Variants in PRKN observed in about 807,000 individuals in gnomAD.
PRKN encodes parkin RBR E3 ubiquitin protein ligase, also known as E3 ubiquitin-protein ligase parkin.
Under a neutral mutation model 59.5 loss-of-function variants are expected in PRKN, and 56 were observed. The ratio of observed to expected loss-of-function variants is 0.94; its 90% CI spans 0.76 to 1.18. The LOEUF is 1.18. Among genes scored for constraint, PRKN ranks in the 50% most tolerant of loss-of-function variants. The pLI, the probability that PRKN is intolerant of heterozygous loss-of-function variation, is 0.00. For synonymous variants in PRKN, 250 were observed against 222.1 expected (o/e 1.13, Z -1.12); for missense variants, 657 against 596.4 (o/e 1.10, Z -1.06).
intron 6 of PRKN, among the ~76,000 whole-genome samples, chr6:161,966,593 C>T (rs1230286401): frequency 6.6e-6 from 1 of 152,206 alleles, no homozygotes; most frequent in Non-Finnish European, 1.5e-5. Flanking sequence ...AAGTGCTAGA[C>T]TTACTGTGCT....
chr6:161,686,302 T>TGAC (rs79056776), intron 7 of PRKN, among the ~76,000 whole-genome samples: 2,720 of 152,258 alleles, frequency 0.018, 31 homozygotes, highest in Non-Finnish European at 0.028. Flanking sequence ...GCTCTCCAGG[T>TGAC]GATGTCAATG....
chr6:161,743,600 A>G (rs1329685421), intron 7 of PRKN, among the ~76,000 whole-genome samples: 1 of 151,628 alleles, frequency 6.6e-6, no homozygotes, highest in Admixed American at 6.6e-5. Flanking sequence ...CCAACATATA[A>G]TTCACGTCCA....
Position 161,518,747 on chromosome 6 carries a change from G to T in PRKN, c.1083+30107C>A, listed in dbSNP as rs1390840476. Among the ~76,000 whole-genome samples the T allele has an allele frequency of 2.0e-5, 3 of 152,182 alleles. No individual in the cohort carries two copies. The highest frequency in any genetic ancestry group is 1.3e-4 in the Admixed American group (2 of 15,276). On this transcript the variant is annotated intron_variant, in intron 9 of 11. Coordinates refer to ENST00000366898, the MANE Select transcript of PRKN (RefSeq NM_004562.3). This position sits in a 1 kb window ranked among gnomAD's most constrained non-coding sequence, Gnocchi z 5.0. ...CTGCAGAGGGCCGGCGGTGTGCCTT[G>T]ATACTTGGCTATGCATCCCATCCAC...
chr6:162,370,629 G>A (rs1785715068), intron 2 of PRKN, among the ~76,000 whole-genome samples: 2 of 152,160 alleles, frequency 1.3e-5, no homozygotes, highest in South Asian at 2.1e-4. Flanking sequence ...AATGGAAGCT[G>A]GTGGCAAAGC....
chr6:161,489,643 T>C (rs1777472719), intron 9 of PRKN, among the ~76,000 whole-genome samples: 1 of 138,394 alleles, frequency 7.2e-6, no homozygotes, highest in African/African-American at 3.0e-5. Context: ...TTGCTATACT[T>C]GGAACTTTTT....
At chr6:161,911,302 G>C (rs1203117608) in intron 6 of PRKN, among the ~76,000 whole-genome samples, 1 of 152,086 alleles carries the variant, frequency 6.6e-6, no homozygotes, top group African/African-American at 2.4e-5. Context: ...TTTGTGACAG[G>C]CTGGTGGAAT....
chr6:162,507,052 A>G (rs1172044701), intron 1 of PRKN, among the ~76,000 whole-genome samples: 1 of 152,202 alleles, frequency 6.6e-6, no homozygotes, highest in Admixed American at 6.5e-5. Flanking sequence ...AAAGTGAAGA[A>G]TGAGAAGGCA....
intron 5 of PRKN, among the ~76,000 whole-genome samples, chr6:162,025,775 G>T (rs540524587): frequency 9.2e-5 from 14 of 151,530 alleles, no homozygotes; most frequent in Non-Finnish European, 1.6e-4. Context: ...TTTTAGTAGA[G>T]ATGGGGTTTC....
chr6:161,350,020 G>A lies in PRKN; in HGVS notation c.*79C>T. ...CGCGCGCGCGTGTGTGTGTGTGTTT[G>A]AAAAGAGAATTAGAAAATGAAGGTA... On this transcript the variant is annotated 3_prime_UTR_variant, in exon 12 of 12. Coordinates refer to ENST00000366898, the MANE Select transcript of PRKN (RefSeq NM_004562.3). 1 of 968,714 alleles carries A rather than the reference G, an allele frequency of 1.0e-6. No homozygotes were observed. The highest frequency in any genetic ancestry group is 1.6e-5 in the African/African-American group (1 of 62,330). The allele number at this position is 968,714 out of a possible 1,614,324, so 60.0% of individuals were successfully genotyped here.
chr6:162,506,658 C>A lies in PRKN; in HGVS notation c.8-63185G>T, dbSNP rs149364155. Among the ~76,000 whole-genome samples the A allele has an allele frequency of 7.7e-4, 117 of 152,160 alleles. 1 individual carries two copies. In the South Asian group the frequency reaches 0.011, roughly 15 times the overall value. On this transcript the variant is annotated intron_variant, in intron 1 of 11. Transcript: ENST00000366898. Reference sequence around the variant, plus strand: ...GAATCATGATCCCGGGTGAAAGGGTCAGCTTTGGGAAAGATGAGGAATTCT... The same window carrying A: ...GAATCATGATCCCGGGTGAAAGGGTAAGCTTTGGGAAAGATGAGGAATTCT...
intron 2 of PRKN, among the ~76,000 whole-genome samples, chr6:162,272,424 A>G (rs1484688253): frequency 2.0e-5 from 3 of 152,082 alleles, no homozygotes; most frequent in Non-Finnish European, 4.4e-5. Context: ...AAATATATAT[A>G]TTTTATTTGA....
At chr6:161,942,218 T>C (rs975863165) in intron 6 of PRKN, among the ~76,000 whole-genome samples, 1 of 152,178 alleles carries the variant, frequency 6.6e-6, no homozygotes, top group Admixed American at 6.6e-5. Context: ...AACAACTCAT[T>C]GGAACTAAAG....
At chr6:162,614,163 C>T (rs1035884555) in intron 1 of PRKN, among the ~76,000 whole-genome samples, 1 of 152,068 alleles carries the variant, frequency 6.6e-6, no homozygotes, top group Admixed American at 6.6e-5. Context: ...TAATCATAAA[C>T]TAACACCTCC....
At chr6:161,786,991 T>C (rs1790446481) in intron 6 of PRKN, among the ~76,000 whole-genome samples, 1 of 152,084 alleles carries the variant, frequency 6.6e-6, no homozygotes, top group Admixed American at 6.5e-5. Context: ...ACAAGCTCAA[T>C]ACATGAATTT....
intron 9 of PRKN, among the ~76,000 whole-genome samples, chr6:161,430,668 A>T (rs1375585819): frequency 6.6e-6 from 1 of 151,804 alleles, no homozygotes; most frequent in African/African-American, 2.4e-5. Context: ...ACAAAAAATT[A>T]GCCCGGCATA....
At position 161,775,014 on chromosome 6, in the gene PRKN, T is replaced by TA. The variant is rs371567655; in HGVS notation, c.871+10757dup. ...GTGCCACCATTTTCACAGTGGCAAT[T>TA]ATAATTATACAAGGTCCAGGAGCTA... On this transcript the variant is annotated intron_variant, in intron 7 of 11. Coordinates refer to ENST00000366898, the MANE Select transcript of PRKN (RefSeq NM_004562.3). Among the ~76,000 whole-genome samples the TA allele has an allele frequency of 4.4e-3, 665 of 152,214 alleles. 5 individuals carry two copies. The highest frequency in any genetic ancestry group is 0.015 in the African/African-American group (624 of 41,524).
intron 1 of PRKN, among the ~76,000 whole-genome samples, chr6:162,628,693 T>C (rs1317566960): frequency 6.6e-6 from 1 of 152,124 alleles, no homozygotes; most frequent in African/African-American, 2.4e-5. Context: ...ATGGTAATTA[T>C]TGAATAATAA....
intron 1 of PRKN, among the ~76,000 whole-genome samples, chr6:162,629,087 G>A (rs1783004915): frequency 6.6e-6 from 1 of 151,978 alleles, no homozygotes; most frequent in Admixed American, 6.6e-5. Flanking sequence ...ACATTTCAGG[G>A]GTTCCCTACT....
chr6:161,672,430 T>C (rs1441641235), intron 7 of PRKN, among the ~76,000 whole-genome samples: 1 of 152,218 alleles, frequency 6.6e-6, no homozygotes. Context: ...TGAACTATGA[T>C]ATGGTATTCT....
Sources: gnomAD v4.1 joint callset for allele counts (sites outside exome capture counted in the v4.1 genomes callset) on GRCh38, gnomAD v4.1.1 for gene constraint, Gnocchi (gnomAD v3.1) non-coding constraint, MANE v1.5 for transcripts, NCBI Gene and HGNC (gene_info 2026-07-23, HGNC 2026-07-21) for gene names.